The following NFKBIZ variants were observed in gnomAD, a reference collection of about 807,000 sequenced individuals.
NFKBIZ encodes NF-kappa-B inhibitor zeta.
In NFKBIZ, 19 loss-of-function variants were observed where a neutral mutation model predicts 76.8. That is an observed-to-expected ratio of 0.25 (90% CI 0.17 to 0.36). The LOEUF is 0.36. NFKBIZ is among the 10% of genes least tolerant of loss of function. The probability of loss-of-function intolerance (pLI) is 1.00; values close to 1 mark genes in which losing one functional copy is unlikely to be tolerated. For synonymous variants in NFKBIZ, 368 were observed against 354.8 expected (o/e 1.04, Z -0.42); for missense variants, 829 against 910.9 (o/e 0.91, Z 1.16).
At chr3:101,843,202 A>G (rs1459166910) in intron 2 of NFKBIZ, among the ~76,000 whole-genome samples, 1 of 152,048 alleles carries the variant, frequency 6.6e-6, no homozygotes, top group African/African-American at 2.4e-5. Flanking sequence ...TGGGAGGCTG[A>G]GGTGGGAGGA....
chr3:101,828,763 T>C lies in NFKBIZ; in HGVS notation c.-88+579T>C, dbSNP rs1460026601. Among the ~76,000 whole-genome samples the C allele has an allele frequency of 2.6e-5, 4 of 152,214 alleles. No individual in the cohort carries two copies. The South Asian group carries it at 8.3e-4, about 31-fold the overall frequency. Reference sequence around the variant, plus strand: ...ACCCCCAGATTCATGATAATCTGTATATGTTAAGGGGTTTTGTTTGAATAA... The same window carrying C: ...ACCCCCAGATTCATGATAATCTGTACATGTTAAGGGGTTTTGTTTGAATAA... On this transcript the variant is annotated intron_variant, in intron 1 of 12. Coordinates refer to the NFKBIZ transcript ENST00000394054.
intron 2 of NFKBIZ, among the ~76,000 whole-genome samples, chr3:101,831,364 G>A (rs1942644809): frequency 6.6e-6 from 1 of 152,200 alleles, no homozygotes; most frequent in Non-Finnish European, 1.5e-5. Flanking sequence ...AAAAGACCCT[G>A]TAGTGGGGTC....
rs554523237 is a variant in NFKBIZ, at chr3:101,852,601, A to G, written c.430-137A>G. ...AAGATAGAATAAAAATTGATATAGA[A>G]AATCAATATTGATAGAAAAACCATA... is the stretch of plus-strand genomic sequence containing the variant. On this transcript the variant is annotated intron_variant, in intron 2 of 11. Transcript: ENST00000326172. The G allele has an allele frequency of 1.4e-4, 87 of 622,052 alleles. No homozygotes were observed. The Middle Eastern group carries it at 1.8e-3, about 13-fold the overall frequency. The allele number at this position is 622,052 out of a possible 1,614,324, so 38.5% of individuals were successfully genotyped here.
intron 2 of NFKBIZ, among the ~76,000 whole-genome samples, chr3:101,841,866 A>C (rs1369793218): frequency 2.0e-5 from 3 of 152,238 alleles, no homozygotes; most frequent in African/African-American, 7.2e-5. Context: ...TCAAGGGGCC[A>C]AAGTATTTGT....
At chr3:101,857,958 T>TA in intron 11 of NFKBIZ, 5 of 836,184 alleles carry the variant, frequency 6.0e-6, no homozygotes, top group Non-Finnish European at 7.2e-6. Flanking sequence ...AAAAATTACT[T>TA]ATGTAATTTC....
At position 101,855,148 on chromosome 3, in the gene NFKBIZ, C is replaced by T. The variant is rs368749098; in HGVS notation, c.1530C>T (p.Asp510=). 13 of 1,614,056 alleles carry T rather than the reference C, an allele frequency of 8.1e-6. No homozygotes were observed. The highest frequency in any genetic ancestry group is 1.1e-5 in the Non-Finnish European group (13 of 1,180,006). Residue 510 remains aspartate, a synonymous_variant, in exon 7 of 12, where the codon GAC becomes GAT. Transcript: ENST00000326172. ...TCGGGGCACAGGTGAACACCACAGA[C>T]TGCTGGGGAAGAACACCTCTGCATG... ...VNIGAQVNTT[D]CWGRTPLHVC... is the part of the protein sequence containing the mutation.
intron 2 of NFKBIZ, among the ~76,000 whole-genome samples, chr3:101,838,011 T>C (rs1159156975): frequency 2.0e-5 from 3 of 152,250 alleles, no homozygotes; most frequent in Non-Finnish European, 2.9e-5. Context: ...TTTATAATTA[T>C]GCTCTTTTGT....
chr3:101,854,113 A>G (rs1943011908), intron 5 of NFKBIZ, among the ~76,000 whole-genome samples: 1 of 152,232 alleles, frequency 6.6e-6, no homozygotes, highest in Non-Finnish European at 1.5e-5. Flanking sequence ...CTTCTTGATT[A>G]ATTGAGTTTG....
upstream of NFKBIZ, among the ~76,000 whole-genome samples, chr3:101,846,164 T>C (rs2107406839): frequency 6.6e-6 from 1 of 152,308 alleles, no homozygotes; most frequent in South Asian, 2.1e-4. Flanking sequence ...AGCTGGAGAA[T>C]CTACTTTCAA....
At chr3:101,841,106 G>A (rs1423904663) in intron 2 of NFKBIZ, among the ~76,000 whole-genome samples, 4 of 152,170 alleles carry the variant, frequency 2.6e-5, no homozygotes, top group Non-Finnish European at 5.9e-5. Context: ...ATGATGATTA[G>A]GTTACTGGTT....
chr3:101,843,020 T>TA (rs35824432), intron 2 of NFKBIZ, among the ~76,000 whole-genome samples: 1,705 of 66,408 alleles, frequency 0.026, 97 homozygotes, highest in African/African-American at 0.056. Flanking sequence ...CTGTATTTTC[T>TA]AAAAAAAAAA....
upstream of NFKBIZ, among the ~76,000 whole-genome samples, chr3:101,848,087 C>T (rs1942880491): frequency 6.6e-6 from 1 of 152,210 alleles, no homozygotes; most frequent in South Asian, 2.1e-4. Context: ...TGCCCCAGTG[C>T]CCAGTCATTT....
chr3:101,855,833 A>G lies in NFKBIZ; in HGVS notation c.1755A>G (p.Leu585=). 1 of 1,614,110 alleles carries G rather than the reference A, an allele frequency of 6.2e-7. No individual in the cohort carries two copies. The highest frequency in any genetic ancestry group is 8.5e-7 in the Non-Finnish European group (1 of 1,179,998). ...ATTCACCTGAAGTTCAGGAGCTTTT[A>G]CTGAAGAATAAGAGTCTGGTTGATA... ...QPHSPEVQEL[L]LKNKSLVDTI... is the part of the protein sequence containing the mutation. The change falls in exon 9 of 12, where the codon TTA becomes TTG. Residue 585 remains leucine, a synonymous_variant. Transcript: ENST00000326172.
rs1050278280 is a variant in NFKBIZ at position 101,857,118 on chromosome 3, G to T, written c.1870G>T (p.Ala624Ser). ...AGCCCTGCATTTGGCAGCTGAAGAAGCAAATCTGGAACTCATTCGCCTCTT... is the reference window on the plus strand; with the variant it reads ...AGCCCTGCATTTGGCAGCTGAAGAATCAAATCTGGAACTCATTCGCCTCTT... The part of the protein sequence containing the change: ...RTALHLAAEE[A>S]NLELIRLFLE... Residue 624 changes from alanine (A) to serine (S), a missense_variant, in exon 10 of 12, where the codon GCA (alanine) becomes TCA (serine). Coordinates refer to ENST00000326172, the MANE Select transcript of NFKBIZ (RefSeq NM_031419.4). 6.8e-6 allele frequency: 11 copies of T among 1,613,786 alleles called. No homozygotes were observed. The highest frequency in any genetic ancestry group is 8.5e-6 in the Non-Finnish European group (10 of 1,179,968).
chr3:101,849,730 C>G lies in NFKBIZ; in HGVS notation c.102C>G (p.Tyr34Ter). The G allele has an allele frequency of 6.9e-7, 1 of 1,450,224 alleles. No individual in the cohort carries two copies. The highest frequency in any genetic ancestry group is 9.0e-7 in the Non-Finnish European group (1 of 1,106,196). 89.8% of individuals were successfully genotyped at this position (1,450,224 alleles called of 1,614,324 possible). A position where few individuals can be genotyped will look rare whatever the true frequency, so the allele number is the denominator to read the frequency against. ...GLMTSPLNLS[Y>*]FYGASPPAAA... ...TGACCAGCCCGCTCAACCTGAGCTA[C>G]TTCTACGGCGCGTCGCCGCCCGCCG... is the stretch of plus-strand genomic sequence containing the variant. Residue 34 changes from tyrosine to a stop codon, truncating the protein, a stop_gained, in exon 1 of 12, where the codon TAC (tyrosine) becomes TAG (stop). Transcript: ENST00000326172. LOFTEE classifies it high-confidence loss of function.
chr3:101,847,205 G>A (rs1007242936), upstream of NFKBIZ, among the ~76,000 whole-genome samples: 1 of 152,236 alleles, frequency 6.6e-6, no homozygotes, highest in Non-Finnish European at 1.5e-5. Flanking sequence ...AGCTGCCTGG[G>A]CATGCCTTAA....
Position 101,857,057 on chromosome 3 carries a change from T to A in NFKBIZ, c.1825-16T>A. The A allele has an allele frequency of 3.3e-6, 5 of 1,530,538 alleles. No homozygotes were observed. The highest frequency in any genetic ancestry group is 4.5e-6 in the Non-Finnish European group (5 of 1,110,118). The allele number at this position is 1,530,538 out of a possible 1,614,324, so 94.8% of individuals were successfully genotyped here. A position where few individuals can be genotyped will look rare whatever the true frequency, so the allele number is the denominator to read the frequency against. ...GATTTTTTTTTTTTTTTTTCCTCCC[T>A]CTTGCCTTTGACAAGGATCGCAAAA... is the stretch of plus-strand genomic sequence containing the variant. On this transcript the variant is annotated splice_polypyrimidine_tract_variant and intron_variant, in intron 9 of 11. Transcript: ENST00000326172.
chr3:101,831,621 T>C (rs1312394417), intron 2 of NFKBIZ, among the ~76,000 whole-genome samples: 1 of 151,954 alleles, frequency 6.6e-6, no homozygotes, highest in Admixed American at 6.6e-5. Context: ...CCTTCTCCTC[T>C]TTTTCTTTTT....
At chr3:101,837,703 G>A (rs563495594) in intron 2 of NFKBIZ, among the ~76,000 whole-genome samples, 5 of 152,138 alleles carry the variant, frequency 3.3e-5, no homozygotes, top group East Asian at 3.9e-4. Context: ...CTTTACTGCC[G>A]AATTAACTTT....
Sources: gnomAD v4.1 joint callset for allele counts (sites outside exome capture counted in the v4.1 genomes callset) on GRCh38, gnomAD v4.1.1 for gene constraint, MANE v1.5 for transcripts, NCBI Gene and HGNC (gene_info 2026-07-23, HGNC 2026-07-21) for gene names.